Variants in NRXN1 observed in about 807,000 individuals in gnomAD.
NRXN1 encodes neurexin 1.
Under a neutral mutation model 150.9 loss-of-function variants are expected in NRXN1, and 39 were observed. That is an observed-to-expected ratio of 0.26 (90% CI 0.20 to 0.34). The LOEUF is 0.34. Ranked by LOEUF, NRXN1 falls within the 10% of genes least tolerant of loss-of-function variation. The pLI is 1.00. For synonymous variants in NRXN1, 924 were observed against 757.0 expected (o/e 1.22, Z -3.62); for missense variants, 1,815 against 1,949.9 (o/e 0.93, Z 1.30).
In NRXN1 at chr2:50,644,300, T is replaced by C. The variant is rs74535999; in HGVS notation, c.833-20685A>G. Among the ~76,000 whole-genome samples the C allele has an allele frequency of 9.9e-3, 1,510 of 151,942 alleles. 28 individuals carry two copies. Among genetic ancestry groups the C allele is most frequent in the African/African-American group, 0.034 (1,409 of 41,532 alleles). ...GGTAACTGAATTGGAAAGAAAAATA[T>C]TTATTCTTTATATTATTTTTTCTGA... On this transcript the variant is annotated intron_variant, in intron 5 of 22. Transcript: ENST00000401669.
At chr2:50,730,035 G>A (rs936761728) in intron 5 of NRXN1, among the ~76,000 whole-genome samples, 2 of 152,064 alleles carry the variant, frequency 1.3e-5, no homozygotes, top group African/African-American at 2.4e-5. Context: ...CCACTCTCTC[G>A]ACAGATGAGG....
chr2:50,725,553 T>A (rs552809342), intron 5 of NRXN1, among the ~76,000 whole-genome samples: 27 of 152,266 alleles, frequency 1.8e-4, no homozygotes, highest in Middle Eastern at 3.4e-3. Context: ...TCACTACTAT[T>A]ATCACGGTGT....
chr2:50,068,838 A>T (rs1046849312), intron 19 of NRXN1, among the ~76,000 whole-genome samples: 5 of 152,222 alleles, frequency 3.3e-5, no homozygotes, highest in Non-Finnish European at 5.9e-5. Flanking sequence ...TAAATCTATT[A>T]TCTTTCCCAG....
intron 17 of NRXN1, among the ~76,000 whole-genome samples, chr2:50,337,367 G>A (rs1288962272): frequency 1.3e-5 from 2 of 152,066 alleles, no homozygotes; most frequent in Non-Finnish European, 2.9e-5. Flanking sequence ...CTACAGGCGT[G>A]AGCCACCGCA....
At chr2:50,253,167 G>T (rs192947690) in intron 17 of NRXN1, among the ~76,000 whole-genome samples, 2 of 151,984 alleles carry the variant, frequency 1.3e-5, no homozygotes, top group Non-Finnish European at 2.9e-5. Context: ...TATTGTTTTT[G>T]TAGTAATTGT....
intron 13 of NRXN1, among the ~76,000 whole-genome samples, chr2:50,505,846 C>A (rs1173598055): frequency 6.6e-6 from 1 of 151,998 alleles, no homozygotes; most frequent in Middle Eastern, 3.2e-3. Flanking sequence ...AGCTAATATC[C>A]CAGTGGGTCA....
At chr2:50,645,317 A>G (rs371306302) in intron 5 of NRXN1, among the ~76,000 whole-genome samples, 1 of 151,944 alleles carries the variant, frequency 6.6e-6, no homozygotes, top group Non-Finnish European at 1.5e-5. Flanking sequence ...AGCTACATTA[A>G]AAGTTTTTCT....
chr2:50,735,656 C>G (rs893117128), intron 5 of NRXN1, among the ~76,000 whole-genome samples: 1 of 152,144 alleles, frequency 6.6e-6, no homozygotes, highest in Admixed American at 6.6e-5. Context: ...TTTAATAACT[C>G]TCTTTATCTC....
rs1667719011 is a variant in NRXN1 at position 50,552,788 on chromosome 2, T to C, written c.1558A>G (p.Ser520Gly). 6.2e-7 allele frequency: 1 copy of C among 1,613,960 alleles called. No individual in the cohort carries two copies. Among genetic ancestry groups the C allele is most frequent in the Non-Finnish European group, 8.5e-7 (1 of 1,179,860 alleles). The change falls in exon 9 of 23, where the codon AGC becomes GGC. Residue 520 changes from serine (S) to glycine (G), a missense_variant. Ser to Gly is a moderately conservative substitution (Grantham distance 56). Coordinates refer to ENST00000401669, the MANE Select transcript of NRXN1 (RefSeq NM_001330078.2). Reference protein sequence around the residue: ...TTEPNGLILFSHGKPRHQKDA... With the variant: ...TTEPNGLILFGHGKPRHQKDA... The stretch of plus-strand genomic sequence containing the variant: ...TTCTGATGTCTTGGCTTGCCATGGC[T>C]AAATAAGATGAGGCCATTTGGCTCT...
chr2:49,993,086 C>T (rs934629064), intron 21 of NRXN1, among the ~76,000 whole-genome samples: 5 of 152,166 alleles, frequency 3.3e-5, no homozygotes, highest in South Asian at 2.1e-4. Flanking sequence ...TGAAAACTTA[C>T]GTTCACACAA....
At chr2:50,142,692 TA>T (rs1378348658) in intron 18 of NRXN1, among the ~76,000 whole-genome samples, 1 of 151,942 alleles carries the variant, frequency 6.6e-6, no homozygotes, top group Non-Finnish European at 1.5e-5. Flanking sequence ...TCCTTAATGC[TA>T]AAAAATTTAT....
chr2:50,180,516 A>G (rs1309007564), intron 18 of NRXN1, among the ~76,000 whole-genome samples: 1 of 152,116 alleles, frequency 6.6e-6, no homozygotes, highest in African/African-American at 2.4e-5. Context: ...AGGTGTTTAG[A>G]TAATGAGAGC....
At chr2:50,786,727 T>A (rs1705171789) in intron 5 of NRXN1, among the ~76,000 whole-genome samples, 1 of 152,164 alleles carries the variant, frequency 6.6e-6, no homozygotes, top group African/African-American at 2.4e-5. Flanking sequence ...TCTACATTAA[T>A]GCATTCCACC....
intron 5 of NRXN1, among the ~76,000 whole-genome samples, chr2:50,731,737 T>G (rs1186008713): frequency 2.6e-5 from 4 of 152,070 alleles, no homozygotes; most frequent in Non-Finnish European, 5.9e-5. Context: ...GCAACAAAAT[T>G]AGAGAATTTT....
intron 17 of NRXN1, among the ~76,000 whole-genome samples, chr2:50,380,276 ATGTG>A (rs61041420): frequency 0.13 from 18,966 of 149,690 alleles, 2,011 homozygotes; most frequent in East Asian, 0.34. Context: ...ATGACCACAT[ATGTG>A]TGTGTGTGTG....
intron 17 of NRXN1, among the ~76,000 whole-genome samples, chr2:50,296,679 G>A (rs1325480370): frequency 6.6e-6 from 1 of 151,866 alleles, no homozygotes; most frequent in Non-Finnish European, 1.5e-5. Flanking sequence ...TGTTGCCCAG[G>A]CTGGTCTTGA....
chr2:50,193,767 C>A (rs1292305272), intron 18 of NRXN1, among the ~76,000 whole-genome samples: 3 of 151,916 alleles, frequency 2.0e-5, no homozygotes, highest in Non-Finnish European at 4.4e-5. Context: ...TAATTATATT[C>A]TTTTAATATT....
intron 5 of NRXN1, among the ~76,000 whole-genome samples, chr2:50,854,551 A>T (rs1674987580): frequency 6.6e-6 from 1 of 152,128 alleles, no homozygotes; most frequent in Non-Finnish European, 1.5e-5. Flanking sequence ...TTTGTTTGAA[A>T]GAACAGACTG....
chr2:50,366,963 G>A (rs137927872), intron 17 of NRXN1, among the ~76,000 whole-genome samples: 23 of 152,034 alleles, frequency 1.5e-4, no homozygotes, highest in Non-Finnish European at 2.4e-4. Context: ...CTAAATACAC[G>A]CCTAATGGAT....
Sources: allele counts gnomAD v4.1 joint callset (sites outside exome capture counted in the v4.1 genomes callset), GRCh38; gene constraint gnomAD v4.1.1; transcripts MANE v1.5; gene names NCBI Gene and HGNC (gene_info 2026-07-23, HGNC 2026-07-21).